SLC44A5: variants seen among roughly 807,000 people sequenced by gnomAD.
SLC44A5 encodes choline transporter-like protein 5.
SLC44A5 carries 57 observed loss-of-function variants against 101.8 expected under a neutral mutation model. The observed-to-expected ratio is 0.56, with a 90% confidence interval of 0.45 to 0.70. The LOEUF is 0.70. SLC44A5 is among the 30% of genes least tolerant of loss of function. The pLI, the probability that SLC44A5 is intolerant of heterozygous loss-of-function variation, is 0.00. For missense variants in SLC44A5, 737 were observed against 853.1 expected, an observed-to-expected ratio of 0.86 and a Z score of 1.70; for synonymous variants, 281 against 290.9, an observed-to-expected ratio of 0.97 and a Z score of 0.35.
intron 12 of SLC44A5, among the ~76,000 whole-genome samples, chr1:75,228,330 T>C (rs1647277557): frequency 6.6e-6 from 1 of 152,150 alleles, no homozygotes; most frequent in Non-Finnish European, 1.5e-5. Context: ...TCCATAACAT[T>C]GTCATTCTAA....
chr1:75,268,531 C>T (rs1374507951), intron 6 of SLC44A5, among the ~76,000 whole-genome samples: 2 of 152,032 alleles, frequency 1.3e-5, no homozygotes, highest in African/African-American at 2.4e-5. Context: ...ATAACCTCAG[C>T]CTTTAGAAAA....
intron 2 of SLC44A5, among the ~76,000 whole-genome samples, chr1:75,493,013 C>G (rs764346973): frequency 1.6e-4 from 24 of 152,142 alleles, no homozygotes; most frequent in Non-Finnish European, 3.5e-4. Flanking sequence ...ATATAAAATC[C>G]TAGAAGTGAC....
the SLC44A5 span, among the ~76,000 whole-genome samples, chr1:75,701,693 A>G: frequency 2.0e-5 from 3 of 152,202 alleles, no homozygotes; most frequent in African/African-American, 4.8e-5. Flanking sequence ...AGGGCATTCA[A>G]TTAGGAAAAG....
the SLC44A5 span, among the ~76,000 whole-genome samples, chr1:75,621,337 T>A: frequency 6.6e-5 from 10 of 151,788 alleles, no homozygotes; most frequent in South Asian, 4.2e-4. Context: ...TTTCTAGCCA[T>A]GCCAAGACTA....
chr1:75,401,842 C>T (rs1389194270), intron 2 of SLC44A5, among the ~76,000 whole-genome samples: 1 of 152,052 alleles, frequency 6.6e-6, no homozygotes, highest in Non-Finnish European at 1.5e-5. Flanking sequence ...GTATTCTGGG[C>T]ATCATGGTTG....
the SLC44A5 span, among the ~76,000 whole-genome samples, chr1:75,635,043 C>A: frequency 0.48 from 69,722 of 145,256 alleles, 18,090 homozygotes; most frequent in East Asian, 0.93. Context: ...ATGCAGCCAA[C>A]AGACACATGA....
chr1:75,353,110 T>A (rs1190626052), intron 3 of SLC44A5, among the ~76,000 whole-genome samples: 2 of 152,174 alleles, frequency 1.3e-5, no homozygotes, highest in Non-Finnish European at 2.9e-5. Flanking sequence ...CATATGTATG[T>A]TCTCTCTCAC....
At chr1:75,702,314 T>C in the SLC44A5 span, among the ~76,000 whole-genome samples, 2 of 152,158 alleles carry the variant, frequency 1.3e-5, no homozygotes, top group African/African-American at 2.4e-5. Context: ...AACAGAGATA[T>C]AGATCAATGG....
intron 2 of SLC44A5, among the ~76,000 whole-genome samples, chr1:75,524,055 C>T (rs1419316600): frequency 6.6e-6 from 1 of 152,218 alleles, no homozygotes; most frequent in Non-Finnish European, 1.5e-5. Flanking sequence ...CCACCCACAT[C>T]TCAGGTTGAA....
the SLC44A5 span, among the ~76,000 whole-genome samples, chr1:75,688,416 G>A: frequency 5.3e-5 from 8 of 152,234 alleles, no homozygotes; most frequent in East Asian, 1.2e-3. Flanking sequence ...AGCAAGATAG[G>A]CCTCTTAGAT....
rs1421028037 is a variant in SLC44A5, at chr1:75,219,569, TTGCTAAGGAGCAGTATCA to T, written c.1178+213_1179-226del. 6.6e-5 allele frequency among the ~76,000 whole-genome samples: 10 copies of T among 152,278 alleles called. No homozygotes were observed. In the East Asian group the frequency reaches 1.9e-3, roughly 29 times the overall value. On this transcript the variant is annotated intron_variant, in intron 15 of 23. Coordinates refer to ENST00000370859, the MANE Select transcript of SLC44A5 (RefSeq NM_001130058.2). ...AATGTATAGGAGCTTTCTTGGCTTA[TTGCTAAGGAGCAGTATCA>T]TGTGGAGACAAAATAAAACAAATCT...
At chr1:75,448,383 G>A (rs924563200) in intron 2 of SLC44A5, among the ~76,000 whole-genome samples, 1 of 152,168 alleles carries the variant, frequency 6.6e-6, no homozygotes, top group South Asian at 2.1e-4. Context: ...GAGGGGGCCC[G>A]AATGTTGGCC....
chr1:75,390,704 G>T (rs1450152685), intron 3 of SLC44A5, among the ~76,000 whole-genome samples: 1 of 151,922 alleles, frequency 6.6e-6, no homozygotes, highest in Admixed American at 6.6e-5. Flanking sequence ...TCAAAATAAT[G>T]AGCAATTTAT....
the SLC44A5 span, among the ~76,000 whole-genome samples, chr1:75,619,730 C>T: frequency 7.9e-5 from 12 of 152,128 alleles, no homozygotes; most frequent in African/African-American, 2.9e-4. Flanking sequence ...ATTCTGATGG[C>T]ATCTAATGTC....
intron 3 of SLC44A5, among the ~76,000 whole-genome samples, chr1:75,349,807 A>G (rs1658507908): frequency 6.6e-6 from 1 of 152,212 alleles, no homozygotes; most frequent in Admixed American, 6.5e-5. Flanking sequence ...CTTTGGTATT[A>G]TTTAAAAAAA....
intron 2 of SLC44A5, among the ~76,000 whole-genome samples, chr1:75,456,964 A>T (rs17645622): frequency 0.21 from 32,025 of 152,130 alleles, 3,492 homozygotes; most frequent in Non-Finnish European, 0.24. Context: ...CTGATGGGAG[A>T]AACAGCCTGT....
chr1:75,448,356 G>C (rs977210161), intron 2 of SLC44A5, among the ~76,000 whole-genome samples: 1 of 152,150 alleles, frequency 6.6e-6, no homozygotes, highest in African/African-American at 2.4e-5. Context: ...TCCAGGGCAA[G>C]CAACTTTGTA....
At chr1:75,478,858 C>T (rs555602065) in intron 2 of SLC44A5, among the ~76,000 whole-genome samples, 1 of 152,102 alleles carries the variant, frequency 6.6e-6, no homozygotes, top group Non-Finnish European at 1.5e-5. Flanking sequence ...AGAAAGTTAA[C>T]AAGGATACCC....
At chr1:75,295,019 A>G (rs1653856060) in intron 5 of SLC44A5, among the ~76,000 whole-genome samples, 1 of 152,208 alleles carries the variant, frequency 6.6e-6, no homozygotes, top group African/African-American at 2.4e-5. Flanking sequence ...AATATATCTT[A>G]ACTGTTCTTT....
Sources: gnomAD v4.1 joint callset for allele counts (sites outside exome capture counted in the v4.1 genomes callset) on GRCh38, gnomAD v4.1.1 for gene constraint, MANE v1.5 for transcripts, NCBI Gene and HGNC (gene_info 2026-07-23, HGNC 2026-07-21) for gene names.